Variants in KANK1 observed in about 807,000 individuals in gnomAD.
The protein encoded by KANK1 is KN motif and ankyrin repeat domains 1.
A neutral mutation model predicts 106.2 loss-of-function variants in KANK1; 109 were observed. The ratio of observed to expected loss-of-function variants is 1.03; its 90% CI spans 0.88 to 1.20. The LOEUF (loss-of-function observed/expected upper bound fraction) is 1.20. Ranked by LOEUF, KANK1 falls within the 50% of genes most tolerant of loss-of-function variation. KANK1 has a pLI of 0.00. For missense variants in KANK1, 2,399 were observed against 1,710.7 expected (o/e 1.40, Z -7.10); for synonymous variants, 873 against 652.2 (o/e 1.34, Z -5.16).
intron 1 of KANK1, among the ~76,000 whole-genome samples, chr9:529,396 T>A (rs1056136472): frequency 1.3e-5 from 2 of 151,900 alleles, no homozygotes; most frequent in African/African-American, 2.4e-5. Context: ...AGATGGGCTT[T>A]CACCATGTTG....
chr9:644,108 A>G lies in KANK1; in HGVS notation c.-83-32782A>G, dbSNP rs765425182. ...ATGCAGTGATTACATTGGTTCTTCT[A>G]CATTCAGTAGAATGCTAATAATGTG... On this transcript the variant is annotated intron_variant, in intron 1 of 11. Coordinates refer to ENST00000382297, the MANE Select transcript of KANK1 (RefSeq NM_015158.5). Among the ~76,000 whole-genome samples the G allele has an allele frequency of 3.3e-5, 5 of 151,012 alleles. 1 individual carries two copies. The South Asian group carries it at 6.2e-4, about 19-fold the overall frequency.
chr9:578,759 A>G (rs1821264699), intron 1 of KANK1, among the ~76,000 whole-genome samples: 1 of 152,186 alleles, frequency 6.6e-6, no homozygotes, highest in Non-Finnish European at 1.5e-5. Context: ...GGGAGAAATT[A>G]TTCCAAATCC....
intron 1 of KANK1, among the ~76,000 whole-genome samples, chr9:618,314 TCTC>T (rs1417866927): frequency 6.6e-6 from 1 of 152,030 alleles, no homozygotes; most frequent in Non-Finnish European, 1.5e-5. Flanking sequence ...TTCAAGCAAT[TCTC>T]CTGCCTCAGC....
chr9:588,712 G>C (rs1303322372), intron 1 of KANK1, among the ~76,000 whole-genome samples: 1 of 152,030 alleles, frequency 6.6e-6, no homozygotes. Flanking sequence ...CACCCACTTT[G>C]CCACTAACAG....
At chr9:740,481 C>T (rs935977663) in intron 8 of KANK1, among the ~76,000 whole-genome samples, 3 of 152,196 alleles carry the variant, frequency 2.0e-5, no homozygotes, top group Non-Finnish European at 2.9e-5. Context: ...CGTTTATTCT[C>T]AAGAGCAACC....
intron 3 of KANK1, among the ~76,000 whole-genome samples, chr9:497,942 T>TCTGG (rs1249596449): frequency 4.6e-5 from 7 of 151,974 alleles, no homozygotes; most frequent in African/African-American, 1.7e-4. Flanking sequence ...GTCCCAAAGG[T>TCTGG]CTGGTATGAC....
chr9:576,756 C>T (rs774048107), intron 1 of KANK1, among the ~76,000 whole-genome samples: 3 of 150,474 alleles, frequency 2.0e-5, no homozygotes, highest in Non-Finnish European at 3.0e-5. Flanking sequence ...AGAGGAGGGA[C>T]CTTGTTTTTT....
chr9:711,951 T>C lies in KANK1; in HGVS notation c.1185T>C (p.Asn395=). 6.2e-7 allele frequency: 1 copy of C among 1,613,950 alleles called. No homozygotes were observed. The highest frequency in any genetic ancestry group is 1.1e-5 in the South Asian group (1 of 91,052). Residue 395 remains asparagine, a synonymous_variant, in exon 3 of 12, where the codon AAT becomes AAC. Transcript: ENST00000382297. Reference sequence around the variant, plus strand: ...AGGCCTCCTCAGAGCTCAGGGAGAATGGAGAGTGCCGGTCTGTGGCTGTGG... The same window carrying C: ...AGGCCTCCTCAGAGCTCAGGGAGAACGGAGAGTGCCGGTCTGTGGCTGTGG... The part of the protein sequence containing the change: ...SCEASSELRE[N]GECRSVAVGA...
chr9:539,039 C>G lies in KANK1; in HGVS notation c.-84+34285C>G, dbSNP rs192572074. ...GGGATTACAGGCATGAGCCACCACA[C>G]CTGGCTAATATTTATATTTTTGGTA... On this transcript the variant is annotated intron_variant, in intron 1 of 11. Coordinates refer to ENST00000382297, the MANE Select transcript of KANK1 (RefSeq NM_015158.5). Among the ~76,000 whole-genome samples, 386 of 152,266 alleles carry G rather than the reference C, an allele frequency of 2.5e-3. 6 individuals are homozygous for G. The highest frequency in any genetic ancestry group is 9.2e-3 in the African/African-American group (384 of 41,540).
At chr9:701,863 T>C (rs1406253437) in intron 2 of KANK1, among the ~76,000 whole-genome samples, 5 of 152,178 alleles carry the variant, frequency 3.3e-5, no homozygotes, top group African/African-American at 9.7e-5. Context: ...GTTAAAATCA[T>C]ATAGTACTTT....
intron 3 of KANK1, among the ~76,000 whole-genome samples, chr9:723,430 T>C (rs1829870120): frequency 6.6e-6 from 1 of 152,142 alleles, no homozygotes; most frequent in Non-Finnish European, 1.5e-5. Flanking sequence ...CGTATACATC[T>C]ACCAAATTCC....
chr9:597,686 C>G (rs1554642480), intron 1 of KANK1, among the ~76,000 whole-genome samples: 2 of 150,806 alleles, frequency 1.3e-5, no homozygotes, highest in Non-Finnish European at 2.9e-5. Flanking sequence ...TTTTTTTAGA[C>G]AGAGTCTTGC....
chr9:474,829 T>G (rs1485740235), intron 3 of KANK1, among the ~76,000 whole-genome samples: 1 of 152,174 alleles, frequency 6.6e-6, no homozygotes, highest in East Asian at 1.9e-4. Flanking sequence ...CCATCTAGAC[T>G]TTCCCTGAGG....
At chr9:583,170 A>C (rs1822598664) in intron 1 of KANK1, among the ~76,000 whole-genome samples, 1 of 152,226 alleles carries the variant, frequency 6.6e-6, no homozygotes, top group Admixed American at 6.5e-5. Context: ...CTACAAACAC[A>C]GCTGGGAATA....
At chr9:615,315 T>C (rs1831541644) in intron 1 of KANK1, among the ~76,000 whole-genome samples, 2 of 152,192 alleles carry the variant, frequency 1.3e-5, no homozygotes, top group African/African-American at 2.4e-5. Context: ...GACACATAAT[T>C]TGCTGATGAA....
chr9:707,261 G>A lies in KANK1; in HGVS notation c.38-3543G>A, dbSNP rs370640994. ...GGGCGCCACGTGGTAGGTGAGCTGC[G>A]AGCGGCGTGGGGCGGCCACCGCTGG... On this transcript the variant is annotated intron_variant, in intron 2 of 11. Coordinates refer to ENST00000382297, the MANE Select transcript of KANK1 (RefSeq NM_015158.5). 1.8e-5 allele frequency: 18 copies of A among 983,020 alleles called. No homozygotes were observed. The South Asian group carries it at 7.0e-4, about 38-fold the overall frequency. The allele number at this position is 983,020 out of a possible 1,614,324, so 60.9% of individuals were successfully genotyped here.
At chr9:703,261 G>A (rs1823150375) in intron 2 of KANK1, among the ~76,000 whole-genome samples, 1 of 152,060 alleles carries the variant, frequency 6.6e-6, no homozygotes, top group Non-Finnish European at 1.5e-5. Flanking sequence ...CAAAGTGCTG[G>A]GATTACAGGC....
Position 525,350 on chromosome 9 carries a change from CGTGT to C in KANK1, c.-84+20627_-84+20630del, listed in dbSNP as rs35296364. ...ATTTCTGACAGAATATGTATACATA[CGTGT>C]GTGTGTGTGTGTGTGTGTGTGTGTG... On this transcript the variant is annotated intron_variant, in intron 1 of 11. Coordinates refer to ENST00000382297, the MANE Select transcript of KANK1 (RefSeq NM_015158.5). Among the ~76,000 whole-genome samples, 759 of 140,548 alleles carry C rather than the reference CGTGT, an allele frequency of 5.4e-3. 16 individuals carry two copies. Among genetic ancestry groups the C allele is most frequent in the African/African-American group, 0.015 (530 of 36,292 alleles). 92.2% of individuals were successfully genotyped at this position (140,548 alleles called of 152,430 possible). A position where few individuals can be genotyped will look rare whatever the true frequency, so the allele number is the denominator to read the frequency against.
chr9:699,204 T>TA (rs1822055643), intron 2 of KANK1, among the ~76,000 whole-genome samples: 1 of 152,184 alleles, frequency 6.6e-6, no homozygotes, highest in African/African-American at 2.4e-5. Flanking sequence ...ACGCCTGCAT[T>TA]GTGCTTTCAC....
Sources: gnomAD v4.1 joint callset for allele counts (sites outside exome capture counted in the v4.1 genomes callset) on GRCh38, gnomAD v4.1.1 for gene constraint, MANE v1.5 for transcripts, NCBI Gene and HGNC (gene_info 2026-07-23, HGNC 2026-07-21) for gene names.